The following PTPRD variants were observed in gnomAD, a reference collection of about 807,000 sequenced individuals.
PTPRD encodes the protein receptor-type tyrosine-protein phosphatase delta.
In PTPRD, 34 loss-of-function variants were observed where a neutral mutation model predicts 214.5. That is an observed-to-expected ratio of 0.16 (90% CI 0.12 to 0.21). The LOEUF (loss-of-function observed/expected upper bound fraction) is 0.21, where lower values mean the gene tolerates loss of function less well. Ranked by LOEUF, PTPRD falls within the 10% of genes least tolerant of loss-of-function variation. The pLI is 1.00. For synonymous variants in PTPRD, 1,128 were observed against 845.7 expected, an observed-to-expected ratio of 1.33 and a Z score of -5.79; for missense variants, 2,545 against 2,398.7, an observed-to-expected ratio of 1.06 and a Z score of -1.27.
At chr9:10,088,694 T>G (rs575114946) in intron 3 of PTPRD, among the ~76,000 whole-genome samples, 1 of 151,888 alleles carries the variant, frequency 6.6e-6, no homozygotes, top group Non-Finnish European at 1.5e-5. Context: ...TATTTTAGTT[T>G]CCTTGTTTAT....
At chr9:8,599,806 G>A (rs762730883) in intron 14 of PTPRD, among the ~76,000 whole-genome samples, 5 of 151,640 alleles carry the variant, frequency 3.3e-5, no homozygotes, top group East Asian at 1.9e-4. Flanking sequence ...TAGTAGAGAC[G>A]GGGCTTCTCC....
intron 10 of PTPRD, chr9:9,091,352 G>C: frequency 1.4e-6 from 1 of 727,136 alleles, no homozygotes; most frequent in Non-Finnish European, 2.4e-6. Flanking sequence ...TATTTTTCTG[G>C]AACTGTACAT....
chr9:8,340,967 C>G, intron 41 of PTPRD, 123 bp downstream of exon 41: 1 of 976,442 alleles, frequency 1.0e-6, no homozygotes, highest in South Asian at 2.2e-5. Flanking sequence ...TACCAAGGGA[C>G]TAAATGATGA....
chr9:9,696,120 G>C (rs1056982965), intron 7 of PTPRD, among the ~76,000 whole-genome samples: 1 of 151,984 alleles, frequency 6.6e-6, no homozygotes, highest in Non-Finnish European at 1.5e-5. Context: ...TCATCCTTTA[G>C]TAAGTTATAT....
intron 11 of PTPRD, among the ~76,000 whole-genome samples, chr9:8,948,144 C>T (rs150691819): frequency 0.016 from 2,381 of 150,680 alleles, 27 homozygotes; most frequent in Non-Finnish European, 0.023. Context: ...CTCAGTTTCC[C>T]GAGTAGCTGG....
chr9:9,871,237 G>C (rs1021427907), intron 5 of PTPRD, among the ~76,000 whole-genome samples: 2 of 152,080 alleles, frequency 1.3e-5, no homozygotes, highest in African/African-American at 4.8e-5. Flanking sequence ...TCAAACAAGA[G>C]AGTAAGTATG....
intron 3 of PTPRD, among the ~76,000 whole-genome samples, chr9:10,118,790 C>A (rs1253338975): frequency 6.6e-6 from 1 of 151,142 alleles, no homozygotes; most frequent in African/African-American, 2.4e-5. Context: ...ATGTTGAGTT[C>A]TAGGCACAAT....
intron 12 of PTPRD, among the ~76,000 whole-genome samples, chr9:8,689,915 C>G (rs959554059): frequency 1.3e-5 from 2 of 151,938 alleles, no homozygotes; most frequent in Non-Finnish European, 2.9e-5. Context: ...CAAGACCAGC[C>G]TAGCCAACAT....
At chr9:10,190,873 G>A (rs926100758) in intron 3 of PTPRD, among the ~76,000 whole-genome samples, 9 of 152,066 alleles carry the variant, frequency 5.9e-5, no homozygotes, top group African/African-American at 1.2e-4. Context: ...GGGTTTACCT[G>A]TGGCCAGCAG....
At chr9:8,511,763 C>T (rs145781421) in intron 21 of PTPRD, among the ~76,000 whole-genome samples, 119 of 151,948 alleles carry the variant, frequency 7.8e-4, no homozygotes, top group African/African-American at 2.7e-3. Context: ...AAAGTATGTC[C>T]GCCCTCTTGA....
chr9:8,317,198 A>ATATT lies in PTPRD; in HGVS notation c.*672_*675dup, dbSNP rs1822524915. The stretch of plus-strand genomic sequence containing the variant: ...AATGATTTGATATTTCTACAGCAAG[A>ATATT]TATTACAGATAACAGTTCTACAGCT... On this transcript the variant is annotated 3_prime_UTR_variant, in exon 46 of 46. Coordinates refer to ENST00000381196, the MANE Select transcript of PTPRD (RefSeq NM_002839.4). The ATATT allele has an allele frequency of 4.3e-6, 1 of 231,942 alleles. No individual in the cohort carries two copies. Among genetic ancestry groups the ATATT allele is most frequent in the Non-Finnish European group, 8.5e-6 (1 of 117,066 alleles). 14.4% of individuals were successfully genotyped at this position (231,942 alleles called of 1,614,324 possible). A position where few individuals can be genotyped will look rare whatever the true frequency, so the allele number is the denominator to read the frequency against.
intron 12 of PTPRD, among the ~76,000 whole-genome samples, chr9:8,688,381 A>G (rs2097730198): frequency 6.6e-6 from 1 of 152,078 alleles, no homozygotes; most frequent in Non-Finnish European, 1.5e-5. Context: ...CCTAGCTAAC[A>G]TGGTGAAACC....
chr9:9,450,118 GTC>G (rs760908141), intron 8 of PTPRD, among the ~76,000 whole-genome samples: 988 of 32,112 alleles, frequency 0.031, 6 homozygotes, highest in South Asian at 0.1. Context: ...GTGTGTGTGT[GTC>G]TGTGTGTGTG....
intron 9 of PTPRD, among the ~76,000 whole-genome samples, chr9:9,301,349 G>T (rs1324946074): frequency 6.6e-6 from 1 of 151,768 alleles, no homozygotes; most frequent in Non-Finnish European, 1.5e-5. Context: ...TAATAAGGTA[G>T]TTTACCTGTA....
intron 2 of PTPRD, among the ~76,000 whole-genome samples, chr9:10,468,418 T>C (rs7875821): frequency 0.88 from 133,778 of 152,144 alleles, 58,964 homozygotes; most frequent in East Asian, 1. Flanking sequence ...CCAAACACCA[T>C]ATGTTCTCAC....
chr9:10,150,776 G>A (rs947362652), intron 3 of PTPRD, among the ~76,000 whole-genome samples: 7 of 151,782 alleles, frequency 4.6e-5, no homozygotes, highest in African/African-American at 1.7e-4. Context: ...GTTTTAATTA[G>A]AAAACATGAT....
intron 7 of PTPRD, among the ~76,000 whole-genome samples, chr9:9,592,702 A>G (rs912463717): frequency 6.6e-6 from 1 of 152,014 alleles, no homozygotes; most frequent in Non-Finnish European, 1.5e-5. Flanking sequence ...CAGATGAACA[A>G]TTCATGTAGG....
intron 2 of PTPRD, among the ~76,000 whole-genome samples, chr9:10,445,546 G>A (rs1262331541): frequency 6.6e-6 from 1 of 152,098 alleles, no homozygotes; most frequent in Non-Finnish European, 1.5e-5. Context: ...TATGCATACA[G>A]GACTTAGTAA....
chr9:10,300,488 C>A (rs1488975922), intron 3 of PTPRD, among the ~76,000 whole-genome samples: 4 of 152,194 alleles, frequency 2.6e-5, no homozygotes, highest in African/African-American at 9.7e-5. Flanking sequence ...CCTCCACCAC[C>A]CGGAGCCCAG....
Sources: allele counts gnomAD v4.1 joint callset (sites outside exome capture counted in the v4.1 genomes callset), GRCh38; gene constraint gnomAD v4.1.1; transcripts MANE v1.5; gene names NCBI Gene and HGNC (gene_info 2026-07-23, HGNC 2026-07-21).